Variants in ZNF487 observed in about 807,000 individuals in gnomAD.
ZNF487 encodes the protein KRAB domain only 1.
A neutral mutation model predicts 3.0 loss-of-function variants in ZNF487; 4 were observed. The ratio of observed to expected loss-of-function variants is 1.35; its 90% CI spans 0.66 to 3.08. The LOEUF (loss-of-function observed/expected upper bound fraction) is 3.08, where lower values mean the gene tolerates loss of function less well. Among genes scored for constraint, ZNF487 ranks in the 30% most tolerant of loss-of-function variants. The pLI is 0.01. For synonymous variants in ZNF487, 55 were observed against 34.6 expected, an observed-to-expected ratio of 1.59 and a Z score of -2.06; for missense variants, 146 against 98.7, an observed-to-expected ratio of 1.48 and a Z score of -2.03.
intron 3 of ZNF487, among the ~76,000 whole-genome samples, chr10:43,477,828 T>G (rs1841159849): frequency 1.3e-5 from 2 of 151,834 alleles, no homozygotes; most frequent in Non-Finnish European, 2.9e-5. Context: ...GGCGGATGCC[T>G]GTAATCCCAG....
the ZNF487 span, among the ~76,000 whole-genome samples, chr10:43,504,486 G>A: frequency 6.6e-6 from 1 of 151,354 alleles, no homozygotes; most frequent in Admixed American, 6.6e-5. Context: ...TAGTAGAGAT[G>A]GGGTTTCACT....
chr10:43,478,410 C>A (rs1228318763), intron 3 of ZNF487, among the ~76,000 whole-genome samples: 1 of 152,082 alleles, frequency 6.6e-6, no homozygotes, highest in South Asian at 2.1e-4. Context: ...CAAAATTAGC[C>A]GGGCGTGGTG....
chr10:43,516,485 G>A, the ZNF487 span, among the ~76,000 whole-genome samples: 1 of 152,136 alleles, frequency 6.6e-6, no homozygotes. Flanking sequence ...TTGTGTGTGT[G>A]TACACATATA....
chr10:43,465,749 G>A (rs952449681), intron 1 of ZNF487, among the ~76,000 whole-genome samples: 1 of 151,916 alleles, frequency 6.6e-6, no homozygotes, highest in Non-Finnish European at 1.5e-5. Flanking sequence ...GACGATGGGC[G>A]GCCAGGCAGA....
At chr10:43,496,033 G>A in the ZNF487 span, 6 of 533,838 alleles carry the variant, frequency 1.1e-5, no homozygotes, top group Non-Finnish European at 2.3e-5. Context: ...TGTCGCTCAA[G>A]GACGTGACTG....
chr10:43,498,074 T>TA, the ZNF487 span, among the ~76,000 whole-genome samples: 399 of 22,730 alleles, frequency 0.018, 19 homozygotes, highest in African/African-American at 0.074. Context: ...TATTTGGTAT[T>TA]TTATATATAT....
the ZNF487 span, among the ~76,000 whole-genome samples, chr10:43,511,228 G>A: frequency 8.5e-5 from 13 of 152,180 alleles, no homozygotes; most frequent in African/African-American, 3.1e-4. Flanking sequence ...GACTTCAAAA[G>A]GCCATTCCAC....
chr10:43,447,250 A>ATTTTTTTTTTTCTTTTC, intron 1 of ZNF487, among the ~76,000 whole-genome samples: 1 of 149,182 alleles, frequency 6.7e-6, no homozygotes, highest in South Asian at 2.1e-4. Flanking sequence ...GGAGAACAAC[A>ATTTTTTTTTTTCTTTTC]TTTTTTTTTT....
rs572293468 is a variant in ZNF487, at chr10:43,455,743, C to T, written c.-94+18481C>T. Among the ~76,000 whole-genome samples, 9 of 152,358 alleles carry T rather than the reference C, an allele frequency of 5.9e-5. 1 individual carries two copies. The highest frequency in any genetic ancestry group is 4.6e-4 in the Admixed American group (7 of 15,308). ...GGGGTCAAAGAGCACGCCGAGCCCG[C>T]CGGAGGGCGGGGCCGCGGCCTTGGC... is the stretch of plus-strand genomic sequence containing the variant. On this transcript the variant is annotated intron_variant, in intron 1 of 3. Coordinates refer to ENST00000437590, the MANE Select transcript of ZNF487 (RefSeq NM_001355444.3).
chr10:43,481,799 A>G lies in ZNF487; in HGVS notation c.501A>G (p.Leu167=). ...AAGCCGTCTCTCAGAATGAGGACTT[A>G]TTTAGGCATCAGTATATTCAAACTC... The part of the protein sequence containing the change: ...NGKAVSQNED[L]FRHQYIQTLK... The change falls in exon 4 of 4, where the codon TTA becomes TTG. Residue 167 remains leucine (L), a synonymous_variant. Transcript: ENST00000437590. 1 of 708,174 alleles carries G rather than the reference A, an allele frequency of 1.4e-6. No individual in the cohort carries two copies. Among genetic ancestry groups the G allele is most frequent in the Non-Finnish European group, 2.6e-6 (1 of 385,026 alleles). 43.9% of individuals were successfully genotyped at this position (708,174 alleles called of 1,614,324 possible). A position where few individuals can be genotyped will look rare whatever the true frequency, so the allele number is the denominator to read the frequency against.
At chr10:43,437,466 C>T (rs1343996470) in intron 1 of ZNF487, among the ~76,000 whole-genome samples, 4 of 152,056 alleles carry the variant, frequency 2.6e-5, no homozygotes, top group African/African-American at 7.2e-5. Context: ...ACAAGGGCAA[C>T]CAGAAGGAAC....
chr10:43,463,717 T>TTC (rs768367654), intron 1 of ZNF487, among the ~76,000 whole-genome samples: 4,265 of 150,714 alleles, frequency 0.028, 103 homozygotes, highest in South Asian at 0.04. Context: ...TCTTTCTTTT[T>TTC]TTTTTTTTTT....
chr10:43,459,958 C>T (rs1206691581), intron 1 of ZNF487, among the ~76,000 whole-genome samples: 6 of 151,598 alleles, frequency 4.0e-5, no homozygotes, highest in African/African-American at 9.7e-5. Flanking sequence ...CCTGCCACCA[C>T]GCCCAGCTAA....
At chr10:43,441,197 C>T (rs569139102) in intron 1 of ZNF487, among the ~76,000 whole-genome samples, 2 of 151,638 alleles carry the variant, frequency 1.3e-5, no homozygotes, top group East Asian at 3.9e-4. Context: ...AAACTCCTAA[C>T]CTCAAGTGAT....
At chr10:43,464,844 C>T (rs1184920697) in intron 1 of ZNF487, among the ~76,000 whole-genome samples, 1 of 152,208 alleles carries the variant, frequency 6.6e-6, no homozygotes, top group African/African-American at 2.4e-5. Flanking sequence ...TTCCACAAAA[C>T]CGCCATCGTC....
chr10:43,510,439 A>T, the ZNF487 span, among the ~76,000 whole-genome samples: 4,249 of 152,242 alleles, frequency 0.028, 95 homozygotes, highest in South Asian at 0.041. Context: ...ACCCTAATGG[A>T]TCTCCTGTAT....
downstream of ZNF487, among the ~76,000 whole-genome samples, chr10:43,484,657 C>T (rs1314857527): frequency 6.6e-6 from 1 of 151,918 alleles, no homozygotes; most frequent in African/African-American, 2.4e-5. Flanking sequence ...TGAAACAAGT[C>T]TTATCAAAAG....
At chr10:43,493,709 AATAT>A in the ZNF487 span, among the ~76,000 whole-genome samples, 183 of 43,504 alleles carry the variant, frequency 4.2e-3, no homozygotes, top group African/African-American at 5.6e-3. Context: ...AAAAAAAAAA[AATAT>A]ATATATATAT....
downstream of ZNF487, among the ~76,000 whole-genome samples, chr10:43,487,424 C>CCA (rs1841479871): frequency 6.7e-6 from 1 of 149,872 alleles, no homozygotes; most frequent in African/African-American, 2.5e-5. Context: ...CAGGCGTGAG[C>CCA]CACCGTGCCC....
Sources: allele counts gnomAD v4.1 joint callset (sites outside exome capture counted in the v4.1 genomes callset), GRCh38; gene constraint gnomAD v4.1.1; transcripts MANE v1.5; gene names NCBI Gene and HGNC (gene_info 2026-07-23, HGNC 2026-07-21).